The following MSI2 variants were observed in gnomAD, a reference collection of about 807,000 sequenced individuals.
MSI2 encodes the protein musashi RNA binding protein 2, also known as RNA-binding protein Musashi homolog 2.
Under a neutral mutation model 45.6 loss-of-function variants are expected in MSI2, and 17 were observed. That is an observed-to-expected ratio of 0.37 (90% confidence interval 0.26 to 0.56). The LOEUF (loss-of-function observed/expected upper bound fraction) is 0.56, where lower values mean the gene tolerates loss of function less well. MSI2 is among the 20% of genes least tolerant of loss of function. The pLI is 0.77. For missense variants in MSI2, 293 were observed against 444.2 expected, an observed-to-expected ratio of 0.66 and a Z score of 3.06; for synonymous variants, 156 against 158.2, an observed-to-expected ratio of 0.99 and a Z score of 0.11.
At chr17:57,674,310 C>CT (rs1383024910) in intron 11 of MSI2, among the ~76,000 whole-genome samples, 1 of 149,412 alleles carries the variant, frequency 6.7e-6, no homozygotes, top group South Asian at 2.1e-4. Flanking sequence ...GAATGGAGAT[C>CT]TTTTTTGTCT....
At chr17:57,320,608 C>A (rs1013406686) in intron 5 of MSI2, among the ~76,000 whole-genome samples, 4 of 152,136 alleles carry the variant, frequency 2.6e-5, no homozygotes, top group African/African-American at 9.7e-5. Flanking sequence ...CCCTTAGAGT[C>A]TCATCAAAGC....
intron 6 of MSI2, among the ~76,000 whole-genome samples, chr17:57,492,461 G>A (rs2085892785): frequency 6.6e-6 from 1 of 152,248 alleles, no homozygotes. Context: ...GGCAGCTGAT[G>A]CTGGATGGGC....
chr17:57,615,462 T>C (rs1413941549), intron 8 of MSI2, among the ~76,000 whole-genome samples: 4 of 152,188 alleles, frequency 2.6e-5, no homozygotes, highest in African/African-American at 9.7e-5. Context: ...TGTTTTCTCA[T>C]CTGTGAACTG....
chr17:57,625,460 T>A (rs1908712335), intron 9 of MSI2: 1 of 152,208 alleles, frequency 6.6e-6, no homozygotes, highest in African/African-American at 2.4e-5. Flanking sequence ...AAAGTGGAAT[T>A]TAGTAAGGGA....
chr17:57,679,731 G>A lies in MSI2; in HGVS notation c.*214G>A. The stretch of plus-strand genomic sequence containing the variant: ...GAATCTGCTGTAATATAAGACAACA[G>A]CTTTTAAATGTGTATATAACCCATG... On this transcript the variant is annotated 3_prime_UTR_variant, in exon 14 of 14. Transcript: ENST00000284073. 2.2e-6 allele frequency: 1 copy of A among 460,708 alleles called. No homozygotes were observed. The allele number at this position is 460,708 out of a possible 1,614,324, so 28.5% of individuals were successfully genotyped here. A position where few individuals can be genotyped will look rare whatever the true frequency, so the allele number is the denominator to read the frequency against.
At chr17:57,633,997 T>C (rs12937970) in intron 10 of MSI2, among the ~76,000 whole-genome samples, 30,635 of 152,100 alleles carry the variant, frequency 0.2, 3,323 homozygotes, top group East Asian at 0.4. Context: ...ATCCTTTCTC[T>C]TCCCTCCTTC....
At chr17:57,408,131 A>G (rs1359248061) in intron 6 of MSI2, among the ~76,000 whole-genome samples, 1 of 152,184 alleles carries the variant, frequency 6.6e-6, no homozygotes, top group African/African-American at 2.4e-5. Context: ...TGAAGCCAGT[A>G]AGGTTGTCGA....
At chr17:57,629,918 G>A (rs980875067) in intron 10 of MSI2, 3 of 152,346 alleles carry the variant, frequency 2.0e-5, no homozygotes, top group South Asian at 2.1e-4. Context: ...GGACAGAGTT[G>A]AGGGATCTTA....
At chr17:57,267,431 C>A (rs1395191978) in intron 5 of MSI2, 1 of 152,084 alleles carries the variant, frequency 6.6e-6, no homozygotes, top group African/African-American at 2.4e-5. Flanking sequence ...GACTATGAAG[C>A]TCCTGTGTTC....
At chr17:57,438,916 C>T (rs1308372416) in intron 6 of MSI2, among the ~76,000 whole-genome samples, 2 of 152,058 alleles carry the variant, frequency 1.3e-5, no homozygotes, top group Admixed American at 6.5e-5. Flanking sequence ...TGTCCTGCCT[C>T]AGCCTCCCAA....
At chr17:57,573,942 T>C (rs2087946428) in intron 7 of MSI2, among the ~76,000 whole-genome samples, 1 of 152,218 alleles carries the variant, frequency 6.6e-6, no homozygotes. Flanking sequence ...GTAGGACTTA[T>C]AAGCCAAGTA....
chr17:57,328,263 T>C (rs1319599460), intron 5 of MSI2, among the ~76,000 whole-genome samples: 1 of 150,694 alleles, frequency 6.6e-6, no homozygotes, highest in Non-Finnish European at 1.5e-5. Context: ...TGTATTCATC[T>C]ATCCATCCAT....
intron 6 of MSI2, among the ~76,000 whole-genome samples, chr17:57,475,332 G>A (rs1175623899): frequency 1.3e-5 from 2 of 152,124 alleles, no homozygotes; most frequent in Admixed American, 6.5e-5. Flanking sequence ...ACAGATGGTG[G>A]GAACGTGGGT....
rs76082884 is a variant in MSI2 at position 57,327,561 on chromosome 17, G to A, written c.312+65369G>A. Reference sequence around the variant, plus strand: ...ACACAAGAAGTGTTCTATTCAACACGTCTCTTCTTTGTGGCATCAAGGGAT... The same window carrying A: ...ACACAAGAAGTGTTCTATTCAACACATCTCTTCTTTGTGGCATCAAGGGAT... On this transcript the variant is annotated intron_variant, in intron 5 of 13. Transcript: ENST00000284073. 6.9e-3 allele frequency among the ~76,000 whole-genome samples: 1,058 copies of A among 152,306 alleles called. 9 individuals carry two copies. Among genetic ancestry groups the A allele is most frequent in the African/African-American group, 0.021 (885 of 41,562 alleles).
chr17:57,493,278 A>G (rs1598330500), intron 6 of MSI2, among the ~76,000 whole-genome samples: 1 of 152,162 alleles, frequency 6.6e-6, no homozygotes, highest in Non-Finnish European at 1.5e-5. Context: ...TTGTCCGAAG[A>G]AAGGTAAAAG....
intron 10 of MSI2, among the ~76,000 whole-genome samples, chr17:57,640,776 T>C (rs1265346554): frequency 6.6e-6 from 1 of 152,230 alleles, no homozygotes; most frequent in African/African-American, 2.4e-5. Context: ...AATGTCTTTC[T>C]TGTGGTGTTA....
intron 7 of MSI2, among the ~76,000 whole-genome samples, chr17:57,592,684 T>C (rs1023082495): frequency 6.6e-6 from 1 of 152,180 alleles, no homozygotes; most frequent in Non-Finnish European, 1.5e-5. Context: ...ACTTGAATTT[T>C]GAGTCCTGTG....
At chr17:57,352,036 G>T (rs1460654194) in intron 5 of MSI2, among the ~76,000 whole-genome samples, 1 of 152,204 alleles carries the variant, frequency 6.6e-6, no homozygotes, top group Non-Finnish European at 1.5e-5. Flanking sequence ...CTCATTCTTT[G>T]GTTCCCTTTC....
At chr17:57,656,646 G>T (rs1911613158) in intron 11 of MSI2, among the ~76,000 whole-genome samples, 1 of 152,190 alleles carries the variant, frequency 6.6e-6, no homozygotes, top group Non-Finnish European at 1.5e-5. Context: ...GTTGGTGAAG[G>T]TTAAGTAGGG....
Sources: allele counts gnomAD v4.1 joint callset (sites outside exome capture counted in the v4.1 genomes callset), GRCh38; gene constraint gnomAD v4.1.1; transcripts MANE v1.5; gene names NCBI Gene and HGNC (gene_info 2026-07-23, HGNC 2026-07-21).